Variants in SLA2 observed in about 807,000 individuals in gnomAD.
SLA2 encodes Src like adaptor 2, also known as src-like-adapter 2.
Under a neutral mutation model 27.3 loss-of-function variants are expected in SLA2, and 22 were observed. The ratio of observed to expected loss-of-function variants is 0.81; its 90% CI spans 0.58 to 1.15. SLA2 has a LOEUF of 1.15. SLA2 is among the 50% of genes most tolerant of loss of function. SLA2 has a pLI of 0.00. For synonymous variants in SLA2, 131 were observed against 137.8 expected, an observed-to-expected ratio of 0.95 and a Z score of 0.34; for missense variants, 304 against 322.2, an observed-to-expected ratio of 0.94 and a Z score of 0.43.
intron 5 of SLA2, among the ~76,000 whole-genome samples, chr20:36,630,936 A>G (rs1412661543): frequency 3.3e-5 from 5 of 152,162 alleles, no homozygotes; most frequent in Non-Finnish European, 1.5e-5. Context: ...AGGATCCATG[A>G]GATGACTTCC....
chr20:36,641,154 T>G, intron 2 of SLA2, 91 bp downstream of exon 2: 1 of 1,072,420 alleles, frequency 9.3e-7, no homozygotes. Context: ...GCTTACACTG[T>G]GTTGGAGCTG....
intron 5 of SLA2, among the ~76,000 whole-genome samples, chr20:36,628,533 G>T (rs1420393754): frequency 6.6e-6 from 1 of 152,066 alleles, no homozygotes; most frequent in Non-Finnish European, 1.5e-5. Context: ...ACAGGCATCA[G>T]TGTTGATTTA....
chr20:36,628,008 C>T (rs2039356947), intron 5 of SLA2, among the ~76,000 whole-genome samples: 1 of 152,212 alleles, frequency 6.6e-6, no homozygotes, highest in African/African-American at 2.4e-5. Flanking sequence ...ATGTAAAGTA[C>T]ATTGTCTCTT....
intron 5 of SLA2, among the ~76,000 whole-genome samples, chr20:36,628,528 CATCAGTG>C (rs1568605636): frequency 6.6e-6 from 1 of 152,040 alleles, no homozygotes; most frequent in East Asian, 1.9e-4. Context: ...GGGGTACAGG[CATCAGTG>C]TTGATTTATT....
chr20:36,614,442 G>A lies in SLA2; in HGVS notation c.533-5C>T, dbSNP rs559060592. ...AGCAGATGTCATCCGCCAGCTCTGA[G>A]GAAGAGACCTCCATCCCTGACATGA... On this transcript the variant is annotated splice_polypyrimidine_tract_variant and splice_region_variant and intron_variant, in intron 6 of 7. Coordinates refer to ENST00000262866, the MANE Select transcript of SLA2 (RefSeq NM_032214.4). The A allele has an allele frequency of 6.2e-7, 1 of 1,601,686 alleles. No homozygotes were observed. The highest frequency in any genetic ancestry group is 1.1e-5 in the South Asian group (1 of 89,726).
rs1246963528 is a variant in SLA2 at position 36,615,300 on chromosome 20, G to C, written c.457C>G (p.Leu153Val). The change falls in exon 6 of 8, where the codon CTT (leucine) becomes GTT (valine). Residue 153 changes from leucine (L) to valine (V), a missense_variant. By Grantham distance (32) the Leu-to-Val change is conservative. Transcript: ENST00000262866. Reference sequence around the variant, plus strand: ...GAGATGTACAGCCAGCCATTGTCAAGGCAGTGGATCCTGTAGTGTCTGATC... The same window carrying C: ...GAGATGTACAGCCAGCCATTGTCAACGCAGTGGATCCTGTAGTGTCTGATC... ...DRIRHYRIHC[L>V]DNGWLYISPR... 6.2e-7 allele frequency: 1 copy of C among 1,614,186 alleles called. No homozygotes were observed. Among genetic ancestry groups the C allele is most frequent in the East Asian group, 2.2e-5 (1 of 44,886 alleles).
chr20:36,635,047 G>A (rs1000718446), intron 2 of SLA2, among the ~76,000 whole-genome samples: 5 of 151,956 alleles, frequency 3.3e-5, no homozygotes, highest in African/African-American at 4.8e-5. Flanking sequence ...CCCAGGACAC[G>A]GTGGCCATGA....
chr20:36,637,134 G>A (rs909841854), intron 2 of SLA2, among the ~76,000 whole-genome samples: 3 of 150,792 alleles, frequency 2.0e-5, no homozygotes, highest in African/African-American at 7.3e-5. Flanking sequence ...AATTGAAATA[G>A]AAGTGAGGTG....
At chr20:36,639,860 CA>C (rs112908435) in intron 2 of SLA2, among the ~76,000 whole-genome samples, 68 of 130,840 alleles carry the variant, frequency 5.2e-4, no homozygotes, top group African/African-American at 7.0e-4. Flanking sequence ...GACTCCGTCT[CA>C]AAAAAAAAAA....
rs762529963 is a variant in SLA2, at chr20:36,615,249, G to C, written c.508C>G (p.Gln170Glu). 7 of 1,614,164 alleles carry C rather than the reference G, an allele frequency of 4.3e-6. No homozygotes were observed. Among genetic ancestry groups the C allele is most frequent in the Non-Finnish European group, 5.9e-6 (7 of 1,180,034 alleles). Residue 170 changes from glutamine to glutamate, a missense_variant, in exon 6 of 8, where the codon CAG (glutamine) becomes GAG (glutamate). Coordinates refer to ENST00000262866, the MANE Select transcript of SLA2 (RefSeq NM_032214.4). ...ISPRLTFPSL[Q>E]ALVDHYSELA... is the part of the protein sequence containing the mutation. ...CCAGAGTAATGGTCCACCAGGGCCT[G>C]GAGTGAGGGGAAGGTGAGGCGCGGT...
intron 1 of SLA2, among the ~76,000 whole-genome samples, chr20:36,642,351 C>G (rs1324021246): frequency 6.7e-6 from 1 of 149,038 alleles, no homozygotes; most frequent in Non-Finnish European, 1.5e-5. Flanking sequence ...ACATGAAAAC[C>G]CTGACCAGCC....
intron 1 of SLA2, among the ~76,000 whole-genome samples, chr20:36,644,070 C>T (rs1157784497): frequency 3.3e-5 from 5 of 152,066 alleles, no homozygotes; most frequent in African/African-American, 1.2e-4. Context: ...GAAATGGGTC[C>T]TGACAGCCAC....
At chr20:36,645,535 A>T (rs938748582) in intron 1 of SLA2, among the ~76,000 whole-genome samples, 1 of 152,146 alleles carries the variant, frequency 6.6e-6, no homozygotes, top group African/African-American at 2.4e-5. Flanking sequence ...TGCAGCGCAG[A>T]GAGGGGCCCA....
Position 36,615,301 on chromosome 20 carries a change from G to A in SLA2, c.456C>T (p.Cys152=). ...WDRIRHYRIH[C]LDNGWLYISP... is the part of the protein sequence containing the mutation. ...AGATGTACAGCCAGCCATTGTCAAGGCAGTGGATCCTGTAGTGTCTGATCC... is the reference window on the plus strand; with the variant it reads ...AGATGTACAGCCAGCCATTGTCAAGACAGTGGATCCTGTAGTGTCTGATCC... Residue 152 remains cysteine, a synonymous_variant, in exon 6 of 8, where the codon TGC becomes TGT. Transcript: ENST00000262866. 2 of 1,614,148 alleles carry A rather than the reference G, an allele frequency of 1.2e-6. No homozygotes were observed. The highest frequency in any genetic ancestry group is 2.2e-5 in the East Asian group (1 of 44,886).
chr20:36,637,241 C>T lies in SLA2; in HGVS notation c.92-2652G>A, dbSNP rs6101583. Among the ~76,000 whole-genome samples the T allele has an allele frequency of 6.7e-3, 840 of 125,994 alleles. 7 individuals carry two copies. Among genetic ancestry groups the T allele is most frequent in the African/African-American group, 0.024 (789 of 32,348 alleles). 82.7% of individuals were successfully genotyped at this position (125,994 alleles called of 152,430 possible). A position where few individuals can be genotyped will look rare whatever the true frequency, so the allele number is the denominator to read the frequency against. ...TTTTGGAGACGGAGTCTCGCTCTGT[C>T]GCCCAGGCTGGAGTGCAGTGGTGCG... On this transcript the variant is annotated intron_variant, in intron 2 of 7. Transcript: ENST00000262866.
In SLA2 at chr20:36,612,394, TC is replaced by T; in HGVS notation, c.*1471del. 1.5e-6 allele frequency: 1 copy of T among 663,306 alleles called. No homozygotes were observed. Among genetic ancestry groups the T allele is most frequent in the Non-Finnish European group, 2.6e-6 (1 of 383,932 alleles). 41.1% of individuals were successfully genotyped at this position (663,306 alleles called of 1,614,324 possible). ...AACATTAAATTGTCTTCCTCGATTC[TC>T]CATCGGGTGTAGAGTTTTTAAACTA... is the stretch of plus-strand genomic sequence containing the variant. On this transcript the variant is annotated 3_prime_UTR_variant, in exon 8 of 8. Transcript: ENST00000262866.
At chr20:36,633,651 G>A (rs1229297489) in intron 3 of SLA2, 22 bp from the exon 4 acceptor site, 3 of 1,600,982 alleles carry the variant, frequency 1.9e-6, no homozygotes, top group Admixed American at 3.3e-5. Context: ...AAGGAGTGGG[G>A]GCACCTCTTT....
chr20:36,637,129 A>G (rs1467925528), intron 2 of SLA2, among the ~76,000 whole-genome samples: 5 of 151,486 alleles, frequency 3.3e-5, no homozygotes, highest in Non-Finnish European at 4.4e-5. Context: ...TCTGTAATTG[A>G]AATAGAAGTG....
chr20:36,623,266 CAAAAAAAAA>C (rs776399343), intron 5 of SLA2, among the ~76,000 whole-genome samples: 1 of 52,094 alleles, frequency 1.9e-5, no homozygotes, highest in African/African-American at 6.4e-5. Context: ...CATTACATCT[CAAAAAAAAA>C]AAAAAAAAAA....
Sources: allele counts gnomAD v4.1 joint callset (sites outside exome capture counted in the v4.1 genomes callset), GRCh38; gene constraint gnomAD v4.1.1; transcripts MANE v1.5; gene names NCBI Gene and HGNC (gene_info 2026-07-23, HGNC 2026-07-21).